The following HAUS8 variants were observed in gnomAD, a reference collection of about 807,000 sequenced individuals.
The protein encoded by HAUS8 is HAUS augmin-like complex subunit 8.
A neutral mutation model predicts 42.9 loss-of-function variants in HAUS8; 38 were observed. That is an observed-to-expected ratio of 0.89 (90% CI 0.68 to 1.16). The LOEUF (loss-of-function observed/expected upper bound fraction) is 1.16. HAUS8 is among the 50% of genes most tolerant of loss of function. The pLI is 0.00. For missense variants in HAUS8, 494 were observed against 511.6 expected, an observed-to-expected ratio of 0.97 and a Z score of 0.33; for synonymous variants, 199 against 205.8, an observed-to-expected ratio of 0.97 and a Z score of 0.28.
intron 3 of HAUS8, among the ~76,000 whole-genome samples, chr19:17,066,499 G>A (rs2057387854): frequency 6.6e-6 from 1 of 152,162 alleles, no homozygotes; most frequent in African/African-American, 2.4e-5. Flanking sequence ...GGGGGGTCAT[G>A]GGAATCCCAA....
intron 7 of HAUS8, 41 bp downstream of exon 7, chr19:17,058,770 C>G: frequency 6.2e-7 from 1 of 1,605,192 alleles, no homozygotes; most frequent in Non-Finnish European, 8.5e-7. Flanking sequence ...TGGAGGCCAC[C>G]CTTCCATCCA....
chr19:17,071,029 C>T (rs992438108), intron 2 of HAUS8, among the ~76,000 whole-genome samples: 2 of 149,096 alleles, frequency 1.3e-5, no homozygotes, highest in African/African-American at 4.9e-5. Flanking sequence ...GAGATCGTGC[C>T]ATTGCACTCC....
chr19:17,050,557 C>T (rs969267430), intron 10 of HAUS8, among the ~76,000 whole-genome samples: 1 of 152,062 alleles, frequency 6.6e-6, no homozygotes, highest in African/African-American at 2.4e-5. Context: ...GCCAGGAGTT[C>T]GAGACCAGCC....
rs143609091 is a variant in HAUS8 at position 17,054,182 on chromosome 19, G to A, written c.788-1216C>T. Among the ~76,000 whole-genome samples the A allele has an allele frequency of 1.3e-3, 195 of 152,208 alleles. 4 individuals are homozygous for A. In the East Asian group the frequency reaches 0.027, roughly 21 times the overall value. On this transcript the variant is annotated intron_variant, in intron 9 of 10. Coordinates refer to ENST00000253669, the MANE Select transcript of HAUS8 (RefSeq NM_033417.2). ...CTTCTGGCTGAAATCAAGACTCCCAGAACTGGGAGGGAATATCTTTCTGTT... is the reference window on the plus strand; with the variant it reads ...CTTCTGGCTGAAATCAAGACTCCCAAAACTGGGAGGGAATATCTTTCTGTT...
At chr19:17,060,222 G>A (rs1330399105) in intron 4 of HAUS8, 130 bp from the exon 5 acceptor site, 7 of 289,166 alleles carry the variant, frequency 2.4e-5, no homozygotes, top group East Asian at 1.5e-4. Context: ...AAGGTGGAAA[G>A]GCTAAAAAAA....
At position 17,050,124 on chromosome 19, in the gene HAUS8, A is replaced by T. The variant is rs2057277903; in HGVS notation, c.982T>A (p.Leu328Met). Residue 328 changes from leucine to methionine, a missense_variant, in exon 11 of 11, where the codon TTG becomes ATG. Leu to Met is a conservative substitution (Grantham distance 15). Transcript: ENST00000253669. ...TCTTCCCAGACTTCCTGGTTTGCCA[A>T]GGCTGCCTCTTTGCTTGCCTCTGCG... Reference protein sequence around the residue: ...LSAEASKEAALANQEVWEETQ... With the variant: ...LSAEASKEAAMANQEVWEETQ... 6.4e-7 allele frequency: 1 copy of T among 1,567,164 alleles called. No individual in the cohort carries two copies. The highest frequency in any genetic ancestry group is 8.7e-7 in the Non-Finnish European group (1 of 1,155,810).
chr19:17,055,900 T>C lies in HAUS8; in HGVS notation c.748A>G (p.Arg250Gly), dbSNP rs1292257301. Reference protein sequence around the residue: ...LDTTRHELPVRSIHLEGDGQQ... With the variant: ...LDTTRHELPVGSIHLEGDGQQ... ...CCATCTCCCTCCAGGTGGATGGACC[T>C]CACGGGCAGCTCGTGCCTGGTAGTG... is the stretch of plus-strand genomic sequence containing the variant. Residue 250 changes from arginine to glycine, a missense_variant, in exon 9 of 11, where the codon AGG (arginine) becomes GGG (glycine). Coordinates refer to ENST00000253669, the MANE Select transcript of HAUS8 (RefSeq NM_033417.2). The C allele has an allele frequency of 6.2e-7, 1 of 1,614,174 alleles. No homozygotes were observed. Among genetic ancestry groups the C allele is most frequent in the South Asian group, 1.1e-5 (1 of 91,080 alleles).
chr19:17,050,844 C>T (rs2057283047), intron 10 of HAUS8, among the ~76,000 whole-genome samples: 1 of 151,718 alleles, frequency 6.6e-6, no homozygotes, highest in Admixed American at 6.6e-5. Context: ...TATAGTGAGC[C>T]GAGGATCGCG....
chr19:17,054,887 T>C (rs1486118001), intron 9 of HAUS8, among the ~76,000 whole-genome samples: 1 of 144,850 alleles, frequency 6.9e-6, no homozygotes, highest in Non-Finnish European at 1.5e-5. Flanking sequence ...AGGATCTGAG[T>C]AGAGCCTGAG....
chr19:17,072,688 G>A (rs959863800), intron 2 of HAUS8, among the ~76,000 whole-genome samples: 4 of 151,302 alleles, frequency 2.6e-5, no homozygotes, highest in African/African-American at 9.7e-5. Context: ...TCACTCTGTC[G>A]CCCAGGCTGG....
chr19:17,059,554 T>TA lies in HAUS8; in HGVS notation c.420+2dup. 1 of 1,608,314 alleles carries TA rather than the reference T, an allele frequency of 6.2e-7. No individual in the cohort carries two copies. The highest frequency in any genetic ancestry group is 8.5e-7 in the Non-Finnish European group (1 of 1,174,914). ...TGGCTGCCCTCTTCTTTCAGACACTTACCGGGCTCTTTTTCCGAGGGGCAG... is the reference window on the plus strand; with the variant it reads ...TGGCTGCCCTCTTCTTTCAGACACTTAACCGGGCTCTTTTTCCGAGGGGCAG... On this transcript the variant is annotated splice_region_variant and intron_variant, in intron 6 of 10. Transcript: ENST00000253669.
chr19:17,062,739 G>A lies in HAUS8; in HGVS notation c.188C>T (p.Ser63Phe). The change falls in exon 4 of 11, where the codon TCT becomes TTT. Residue 63 changes from serine (S) to phenylalanine (F), a missense_variant. Coordinates refer to ENST00000253669, the MANE Select transcript of HAUS8 (RefSeq NM_033417.2). Reference protein sequence around the residue: ...GDGSQTRGKMSEGGRKSSLLQ... With the variant: ...GDGSQTRGKMFEGGRKSSLLQ... ...CAGGCTGGATTTCCTTCCACCTTCA[G>A]ACATCTTCCCTCGGGTCTGTGACCC... 1.2e-6 allele frequency: 2 copies of A among 1,614,170 alleles called. No individual in the cohort carries two copies. The highest frequency in any genetic ancestry group is 1.7e-6 in the Non-Finnish European group (2 of 1,180,026).
intron 4 of HAUS8, among the ~76,000 whole-genome samples, chr19:17,061,836 C>A (rs570454626): frequency 6.6e-6 from 1 of 152,322 alleles, no homozygotes; most frequent in East Asian, 1.9e-4. Flanking sequence ...CCAGTCTGAT[C>A]CCCTGGCCAC....
At chr19:17,073,774 G>A in intron 1 of HAUS8, 1 of 182,974 alleles carries the variant, frequency 5.5e-6, no homozygotes. Flanking sequence ...GGAGGCTGAG[G>A]CTGGCGGATC....
At chr19:17,055,193 A>ATATATATAT (rs1568635009) in intron 9 of HAUS8, 4 of 78,000 alleles carry the variant, frequency 5.1e-5, no homozygotes, top group African/African-American at 1.9e-4. Flanking sequence ...TATATATATA[A>ATATATATAT]GCCAGGTGTG....
intron 8 of HAUS8, 59 bp downstream of exon 8, chr19:17,058,490 G>C (rs2057339070): frequency 6.7e-7 from 1 of 1,484,270 alleles, no homozygotes; most frequent in African/African-American, 1.4e-5. Flanking sequence ...CGAAACAGTG[G>C]AGATGGGACA....
chr19:17,050,823 G>C (rs556694690), intron 10 of HAUS8, among the ~76,000 whole-genome samples: 6 of 152,170 alleles, frequency 3.9e-5, no homozygotes, highest in Admixed American at 1.3e-4. Flanking sequence ...TTGAACCCAG[G>C]AGACAGGGTC....
intron 1 of HAUS8, chr19:17,073,691 C>T (rs1158177311): frequency 1.2e-5 from 3 of 245,552 alleles, no homozygotes; most frequent in African/African-American, 6.7e-5. Context: ...ACACAGAGCT[C>T]CTTCCCAGAA....
At chr19:17,061,763 C>T (rs773071876) in intron 4 of HAUS8, among the ~76,000 whole-genome samples, 2 of 152,190 alleles carry the variant, frequency 1.3e-5, no homozygotes, top group Admixed American at 1.3e-4. Context: ...CAGACACTGC[C>T]TAAGCGTTCC....
Sources: allele counts gnomAD v4.1 joint callset (sites outside exome capture counted in the v4.1 genomes callset), GRCh38; gene constraint gnomAD v4.1.1; transcripts MANE v1.5; gene names NCBI Gene and HGNC (gene_info 2026-07-23, HGNC 2026-07-21).